The following LINGO2 variants were observed in gnomAD, a reference collection of about 807,000 sequenced individuals.
The protein encoded by LINGO2 is leucine-rich repeat and immunoglobulin-like domain-containing nogo receptor-interacting protein 2.
Under a neutral mutation model 30.6 loss-of-function variants are expected in LINGO2, and 14 were observed. The observed-to-expected ratio is 0.46, with a 90% CI of 0.30 to 0.72. The LOEUF (loss-of-function observed/expected upper bound fraction) is 0.72. Ranked by LOEUF, LINGO2 falls within the 30% of genes least tolerant of loss-of-function variation. LINGO2 has a pLI of 0.07. For missense variants in LINGO2, 729 were observed against 751.7 expected (o/e 0.97, Z 0.35); for synonymous variants, 317 against 288.5 (o/e 1.10, Z -1.00).
intron 4 of LINGO2, among the ~76,000 whole-genome samples, chr9:28,134,731 T>C (rs1473896829): frequency 1.3e-5 from 2 of 152,376 alleles, no homozygotes; most frequent in African/African-American, 2.4e-5. Context: ...CTAATAGCCA[T>C]GTCAGATTAA....
At chr9:29,106,701 C>A in the LINGO2 span, among the ~76,000 whole-genome samples, 1 of 152,080 alleles carries the variant, frequency 6.6e-6, no homozygotes, top group Non-Finnish European at 1.5e-5. Context: ...GTATTAATAA[C>A]TATTAATTAA....
At chr9:28,466,724 C>G (rs1241026723) in intron 2 of LINGO2, among the ~76,000 whole-genome samples, 1 of 151,924 alleles carries the variant, frequency 6.6e-6, no homozygotes, top group African/African-American at 2.4e-5. Flanking sequence ...ATATATATAC[C>G]TACTCTGTAC....
the LINGO2 span, among the ~76,000 whole-genome samples, chr9:28,844,045 A>G: frequency 6.6e-6 from 1 of 151,824 alleles, no homozygotes; most frequent in Non-Finnish European, 1.5e-5. Context: ...TGTATTTAAA[A>G]TGAATTATTT....
chr9:28,025,223 C>T (rs1823320410), intron 4 of LINGO2, among the ~76,000 whole-genome samples: 1 of 152,132 alleles, frequency 6.6e-6, no homozygotes, highest in Admixed American at 6.6e-5. Flanking sequence ...CTATTACATC[C>T]CAAAGTTTCT....
chr9:29,146,704 T>C, the LINGO2 span, among the ~76,000 whole-genome samples: 15 of 152,300 alleles, frequency 9.8e-5, no homozygotes, highest in South Asian at 3.1e-3. Context: ...TTTATCTCAT[T>C]AATACATCCT....
chr9:28,679,112 A>AAAAC, the LINGO2 span, among the ~76,000 whole-genome samples: 1 of 152,098 alleles, frequency 6.6e-6, no homozygotes, highest in Non-Finnish European at 1.5e-5. Flanking sequence ...AAATGACTGT[A>AAAAC]AAACACCTAG....
intron 1 of LINGO2, among the ~76,000 whole-genome samples, chr9:28,623,522 TG>T (rs1412116848): frequency 6.6e-6 from 1 of 151,988 alleles, no homozygotes; most frequent in Non-Finnish European, 1.5e-5. Context: ...ATTTTCTTCT[TG>T]GGGGTTCTCT....
intron 4 of LINGO2, among the ~76,000 whole-genome samples, chr9:28,216,034 T>A (rs978699764): frequency 2.6e-5 from 4 of 151,858 alleles, no homozygotes; most frequent in African/African-American, 9.7e-5. Context: ...ACTTCTGCAA[T>A]TGACATTACC....
rs557978629 is a variant in LINGO2, at chr9:28,111,097, G to T, written c.-86-98692C>A. Among the ~76,000 whole-genome samples the T allele has an allele frequency of 2.0e-5, 3 of 152,238 alleles. No individual in the cohort carries two copies. In the South Asian group the frequency reaches 6.2e-4, roughly 32 times the overall value. On this transcript the variant is annotated intron_variant, in intron 4 of 5. Coordinates refer to ENST00000379992, the Ensembl canonical transcript of LINGO2. Reference sequence around the variant, plus strand: ...TCATGTCCTTTGCATGGACATGGATGAAGCTGGAAGCCATCATTCTCAGCA... The same window carrying T: ...TCATGTCCTTTGCATGGACATGGATTAAGCTGGAAGCCATCATTCTCAGCA...
intron 3 of LINGO2, among the ~76,000 whole-genome samples, chr9:28,361,095 C>T (rs1820421084): frequency 6.6e-6 from 1 of 152,064 alleles, no homozygotes; most frequent in African/African-American, 2.4e-5. Flanking sequence ...TCTCTTTGTC[C>T]AGTGGATCCA....
At chr9:28,204,255 C>T (rs1203141682) in intron 4 of LINGO2, among the ~76,000 whole-genome samples, 2 of 152,146 alleles carry the variant, frequency 1.3e-5, no homozygotes, top group Non-Finnish European at 2.9e-5. Context: ...CATGCACACA[C>T]ACACACAAAC....
chr9:28,566,662 T>A (rs1823399572), intron 1 of LINGO2, among the ~76,000 whole-genome samples: 1 of 152,282 alleles, frequency 6.6e-6, no homozygotes, highest in Admixed American at 6.5e-5. Context: ...TTCAAAAAAA[T>A]TACATTTCAA....
chr9:28,024,920 C>T (rs915026565), intron 4 of LINGO2, among the ~76,000 whole-genome samples: 2 of 152,124 alleles, frequency 1.3e-5, no homozygotes, highest in Non-Finnish European at 1.5e-5. Flanking sequence ...ACTGTAGACT[C>T]TGGTAATGAT....
chr9:28,377,071 G>A (rs571785785), intron 2 of LINGO2, among the ~76,000 whole-genome samples: 5 of 150,820 alleles, frequency 3.3e-5, no homozygotes, highest in African/African-American at 4.9e-5. Context: ...ACAAACACAC[G>A]TTGATTTATA....
At chr9:28,098,102 T>A (rs1826300992) in intron 4 of LINGO2, among the ~76,000 whole-genome samples, 1 of 152,224 alleles carries the variant, frequency 6.6e-6, no homozygotes, top group African/African-American at 2.4e-5. Flanking sequence ...GTCAGGAATT[T>A]GAGACTAGTC....
At chr9:28,928,888 G>A in the LINGO2 span, among the ~76,000 whole-genome samples, 1 of 152,058 alleles carries the variant, frequency 6.6e-6, no homozygotes, top group South Asian at 2.1e-4. Context: ...TCCTGCCCAG[G>A]GGTTTCAGGA....
At chr9:28,876,778 G>C in the LINGO2 span, among the ~76,000 whole-genome samples, 4 of 152,104 alleles carry the variant, frequency 2.6e-5, no homozygotes, top group Non-Finnish European at 4.4e-5. Context: ...TAATAGGATG[G>C]CTGGGTCAAA....
At chr9:29,088,989 C>A in the LINGO2 span, among the ~76,000 whole-genome samples, 1 of 151,984 alleles carries the variant, frequency 6.6e-6, no homozygotes, top group Non-Finnish European at 1.5e-5. Context: ...CTAACCATCA[C>A]CCTCCAAAAA....
intron 1 of LINGO2, among the ~76,000 whole-genome samples, chr9:28,610,782 CAGA>C (rs1388727782): frequency 6.6e-6 from 1 of 152,114 alleles, no homozygotes; most frequent in African/African-American, 2.4e-5. Context: ...AGCAAATGGG[CAGA>C]AGGTGTAACA....
Sources: gnomAD v4.1 joint callset for allele counts (sites outside exome capture counted in the v4.1 genomes callset) on GRCh38, gnomAD v4.1.1 for gene constraint, MANE v1.5 for transcripts, NCBI Gene and HGNC (gene_info 2026-07-23, HGNC 2026-07-21) for gene names.